FGD4: variants seen among roughly 807,000 people sequenced by gnomAD.
FGD4 encodes the protein FYVE, RhoGEF and PH domain-containing protein 4.
Under a neutral mutation model 102.0 loss-of-function variants are expected in FGD4, and 42 were observed. That is an observed-to-expected ratio of 0.41 (90% confidence interval 0.32 to 0.53). The LOEUF is 0.53. Ranked by LOEUF, FGD4 falls within the 20% of genes least tolerant of loss-of-function variation. The probability of loss-of-function intolerance (pLI) is 0.21; values close to 1 mark genes in which losing one functional copy is unlikely to be tolerated. For synonymous variants in FGD4, 380 were observed against 375.7 expected, an observed-to-expected ratio of 1.01 and a Z score of -0.13; for missense variants, 902 against 1,078.2, an observed-to-expected ratio of 0.84 and a Z score of 2.29.
chr12:32,611,525 C>G (rs1260147540), intron 10 of FGD4, among the ~76,000 whole-genome samples: 1 of 152,030 alleles, frequency 6.6e-6, no homozygotes, highest in Non-Finnish European at 1.5e-5. Flanking sequence ...GGGAAGTGAG[C>G]TGGTTGTAGT....
At chr12:32,414,889 A>C (rs905852562) in intron 1 of FGD4, among the ~76,000 whole-genome samples, 1 of 151,724 alleles carries the variant, frequency 6.6e-6, no homozygotes, top group Non-Finnish European at 1.5e-5. Flanking sequence ...ATTTATTTGA[A>C]GTTTTTCTTC....
intron 1 of FGD4, among the ~76,000 whole-genome samples, chr12:32,472,931 A>G (rs569231597): frequency 4.2e-4 from 64 of 151,958 alleles, no homozygotes; most frequent in African/African-American, 1.2e-3. Context: ...AAATATACCA[A>G]TCGGCACTCT....
intron 1 of FGD4, among the ~76,000 whole-genome samples, chr12:32,458,152 A>G (rs1314739432): frequency 6.6e-6 from 1 of 150,654 alleles, no homozygotes; most frequent in Admixed American, 6.6e-5. Flanking sequence ...GGTAGCTGTG[A>G]TTTTTTCTTT....
At chr12:32,590,902 A>C (rs1236878888) in intron 4 of FGD4, among the ~76,000 whole-genome samples, 1 of 152,224 alleles carries the variant, frequency 6.6e-6, no homozygotes, top group African/African-American at 2.4e-5. Flanking sequence ...AAAGATGTCT[A>C]ATACAAGTAA....
rs1592352650 is a variant in FGD4, at chr12:32,598,646, G to A, written c.1101+60G>A. On this transcript the variant is annotated intron_variant, in intron 5 of 16. Transcript: ENST00000534526. ...TGGCATTATACATCATTTTAACCTA[G>A]TAATTAGAGTATTTTAGAAACTGCA... 2.2e-6 allele frequency: 3 copies of A among 1,368,144 alleles called. No homozygotes were observed. The East Asian group carries it at 6.9e-5, about 31-fold the overall frequency. The allele number at this position is 1,368,144 out of a possible 1,614,324, so 84.8% of individuals were successfully genotyped here.
chr12:32,539,920 T>C (rs909605548), intron 1 of FGD4, among the ~76,000 whole-genome samples: 1 of 152,230 alleles, frequency 6.6e-6, no homozygotes, highest in Non-Finnish European at 1.5e-5. Context: ...AGCCCCTTAA[T>C]GTCTATCAGT....
At chr12:32,630,274 G>A (rs1344426531) in intron 14 of FGD4, among the ~76,000 whole-genome samples, 5 of 152,198 alleles carry the variant, frequency 3.3e-5, no homozygotes, top group Non-Finnish European at 7.3e-5. Flanking sequence ...TCTTCTCAGA[G>A]TATCTACCTA....
chr12:32,565,488 C>T (rs769903128), intron 2 of FGD4, among the ~76,000 whole-genome samples: 2 of 152,234 alleles, frequency 1.3e-5, no homozygotes, highest in East Asian at 1.9e-4. Flanking sequence ...AATTCCATTT[C>T]GCCCATTAGA....
In FGD4 at chr12:32,611,124, T is replaced by A. The variant is rs1166857352; in HGVS notation, c.1603-13T>A. The A allele has an allele frequency of 6.2e-7, 1 of 1,614,028 alleles. No individual in the cohort carries two copies. The highest frequency in any genetic ancestry group is 1.1e-5 in the South Asian group (1 of 91,074). The stretch of plus-strand genomic sequence containing the variant: ...ACCTGCCTGTATGTGATCTTGCTGT[T>A]TTAATTTCCTAGGAGAACCTAAAGA... On this transcript the variant is annotated splice_polypyrimidine_tract_variant and intron_variant, in intron 9 of 16. Coordinates refer to ENST00000534526, the MANE Select transcript of FGD4 (RefSeq NM_001370298.3).
intron 2 of FGD4, among the ~76,000 whole-genome samples, chr12:32,567,902 G>C (rs1322004090): frequency 6.6e-6 from 1 of 152,048 alleles, no homozygotes; most frequent in Non-Finnish European, 1.5e-5. Flanking sequence ...TGGCAAGGCT[G>C]GTCTCAAACT....
chr12:32,548,642 G>C (rs1943419863), intron 1 of FGD4, among the ~76,000 whole-genome samples: 2 of 152,308 alleles, frequency 1.3e-5, no homozygotes, highest in South Asian at 4.1e-4. Flanking sequence ...AGAGAAATGA[G>C]GGAGGTGGAG....
intron 13 of FGD4, 26 bp downstream of exon 13, chr12:32,625,094 C>G: frequency 3.8e-6 from 6 of 1,567,696 alleles, no homozygotes; most frequent in Non-Finnish European, 5.3e-6. Flanking sequence ...TTCTTAACTT[C>G]AACCTCTTTC....
chr12:32,643,392 G>A lies in FGD4; in HGVS notation c.*2859G>A, dbSNP rs772364905. ...ATTATTAACTTTCTAGATGTGATAC[G>A]GTAATTCGAATTGCAGAGTATAAGG... On this transcript the variant is annotated 3_prime_UTR_variant, in exon 17 of 17. Transcript: ENST00000534526. 2.0e-5 allele frequency: 3 copies of A among 152,330 alleles called. No homozygotes were observed. Among genetic ancestry groups the A allele is most frequent in the South Asian group, 2.1e-4 (1 of 4,824 alleles). 9.4% of individuals were successfully genotyped at this position (152,330 alleles called of 1,614,324 possible).
chr12:32,632,718 T>TTATTTA (rs369780455), intron 14 of FGD4, among the ~76,000 whole-genome samples: 9,809 of 148,088 alleles, frequency 0.066, 457 homozygotes, highest in Middle Eastern at 0.18. Flanking sequence ...TATTTATTTT[T>TTATTTA]TTTTTTTGAG....
In FGD4 at chr12:32,601,443, AATG is replaced by A; in HGVS notation, c.1247+23_1247+25del. On this transcript the variant is annotated intron_variant, in intron 6 of 16. Transcript: ENST00000534526. ...AGAATGGTAAGAGGAGTAGATAGAA[AATG>A]ATATGTTTAAGGCAGTCATGCTGTA... 1 of 1,609,068 alleles carries A rather than the reference AATG, an allele frequency of 6.2e-7. No individual in the cohort carries two copies. Among genetic ancestry groups the A allele is most frequent in the Non-Finnish European group, 8.5e-7 (1 of 1,176,992 alleles).
intron 1 of FGD4, among the ~76,000 whole-genome samples, chr12:32,410,490 G>T (rs1318558707): frequency 7.0e-6 from 1 of 142,722 alleles, no homozygotes; most frequent in East Asian, 2.0e-4. Flanking sequence ...GTCTCAAAAA[G>T]AAAAAAAAAA....
chr12:32,516,042 G>A (rs925980818), intron 1 of FGD4, among the ~76,000 whole-genome samples: 3 of 152,080 alleles, frequency 2.0e-5, no homozygotes, highest in Non-Finnish European at 4.4e-5. Flanking sequence ...AGTGCATGAT[G>A]TAATAACTAA....
intron 1 of FGD4, among the ~76,000 whole-genome samples, chr12:32,523,566 G>T (rs573765560): frequency 8.5e-5 from 13 of 152,340 alleles, no homozygotes; most frequent in African/African-American, 3.1e-4. Context: ...GCTACACAAC[G>T]CATTTACTGT....
chr12:32,499,809 A>G (rs1938051456), intron 1 of FGD4, among the ~76,000 whole-genome samples: 1 of 152,196 alleles, frequency 6.6e-6, no homozygotes, highest in Admixed American at 6.5e-5. Flanking sequence ...TGAGCTCAGG[A>G]GTTCGAGACC....
Sources: allele counts gnomAD v4.1 joint callset (sites outside exome capture counted in the v4.1 genomes callset), GRCh38; gene constraint gnomAD v4.1.1; transcripts MANE v1.5; gene names NCBI Gene and HGNC (gene_info 2026-07-23, HGNC 2026-07-21).